Variants in PTPRD observed in about 807,000 individuals in gnomAD.
The protein encoded by PTPRD is protein tyrosine phosphatase receptor type D, also known as receptor-type tyrosine-protein phosphatase delta.
A neutral mutation model predicts 214.5 loss-of-function variants in PTPRD; 34 were observed. The observed-to-expected ratio is 0.16, with a 90% CI of 0.12 to 0.21. PTPRD has a LOEUF of 0.21. Among genes scored for constraint, PTPRD ranks in the 10% least tolerant of loss-of-function variants. The pLI is 1.00. For missense variants in PTPRD, 2,545 were observed against 2,398.7 expected (o/e 1.06, Z -1.27); for synonymous variants, 1,128 against 845.7 (o/e 1.33, Z -5.79).
At chr9:9,178,191 G>A (rs1032432322) in intron 10 of PTPRD, among the ~76,000 whole-genome samples, 1 of 152,056 alleles carries the variant, frequency 6.6e-6, no homozygotes, top group African/African-American at 2.4e-5. Context: ...GACTGTGTGT[G>A]TGTGTGTCTC....
intron 42 of PTPRD, among the ~76,000 whole-genome samples, chr9:8,339,775 G>C (rs1383948332): frequency 6.6e-6 from 1 of 151,736 alleles, no homozygotes; most frequent in Non-Finnish European, 1.5e-5. Flanking sequence ...AGGTCATAGT[G>C]GTAGAGCAGT....
intron 3 of PTPRD, among the ~76,000 whole-genome samples, chr9:10,171,400 C>G (rs1172790621): frequency 3.3e-5 from 5 of 152,108 alleles, no homozygotes; most frequent in Non-Finnish European, 5.9e-5. Flanking sequence ...CTCATTCTCT[C>G]TTGCCACGGA....
At chr9:9,980,610 AAAAAAAACAAAAAAAAAAAAAAAAC>A (rs1356454026) in intron 4 of PTPRD, among the ~76,000 whole-genome samples, 40 of 28,376 alleles carry the variant, frequency 1.4e-3, no homozygotes, top group African/African-American at 4.2e-3. Flanking sequence ...CACCTTGTCA[AAAAAAAACAAAAAAAAAAAAAAAAC>A]AAAAAAAAAA....
intron 14 of PTPRD, among the ~76,000 whole-genome samples, chr9:8,604,181 C>T (rs1168837404): frequency 6.6e-6 from 1 of 152,114 alleles, no homozygotes; most frequent in Non-Finnish European, 1.5e-5. Context: ...CAAGATCCTC[C>T]CAGGAGAGGA....
At chr9:10,611,709 G>T (rs538954593) in intron 2 of PTPRD, among the ~76,000 whole-genome samples, 1 of 152,154 alleles carries the variant, frequency 6.6e-6, no homozygotes, top group Non-Finnish European at 1.5e-5. Flanking sequence ...AACCCGCTGT[G>T]TCAAAGTCAC....
chr9:9,564,570 C>T (rs2083845396), intron 8 of PTPRD, among the ~76,000 whole-genome samples: 2 of 151,996 alleles, frequency 1.3e-5, no homozygotes, highest in South Asian at 4.1e-4. Flanking sequence ...TTGTGAGAAC[C>T]TTTGGGTTGG....
chr9:8,968,181 T>G (rs1484318896), intron 11 of PTPRD, among the ~76,000 whole-genome samples: 1 of 152,118 alleles, frequency 6.6e-6, no homozygotes, highest in African/African-American at 2.4e-5. Flanking sequence ...TGGTTCCAAG[T>G]CTTTGCTATT....
intron 3 of PTPRD, among the ~76,000 whole-genome samples, chr9:10,046,615 T>A (rs1240970807): frequency 2.6e-5 from 4 of 151,920 alleles, no homozygotes; most frequent in Admixed American, 6.6e-5. Flanking sequence ...TAAATATAGA[T>A]GTTATTTACT....
chr9:9,929,750 A>T (rs2085710385), intron 5 of PTPRD, among the ~76,000 whole-genome samples: 1 of 152,206 alleles, frequency 6.6e-6, no homozygotes, highest in Admixed American at 6.5e-5. Flanking sequence ...GGTTGATTTA[A>T]TAATGGAGGA....
chr9:8,692,798 T>C (rs1028321018), intron 12 of PTPRD, among the ~76,000 whole-genome samples: 5 of 152,184 alleles, frequency 3.3e-5, no homozygotes, highest in African/African-American at 1.2e-4. Context: ...CCCAAATTCA[T>C]AAATTTTCAA....
At chr9:9,784,305 G>C (rs1215374610) in intron 5 of PTPRD, among the ~76,000 whole-genome samples, 1 of 151,824 alleles carries the variant, frequency 6.6e-6, no homozygotes, top group Non-Finnish European at 1.5e-5. Context: ...AATTTACTAT[G>C]GAAAATTTTA....
At chr9:8,454,539 T>C in intron 33 of PTPRD, 7 of 1,610,314 alleles carry the variant, frequency 4.3e-6, no homozygotes, top group Non-Finnish European at 5.1e-6. Flanking sequence ...GTTTATTTTT[T>C]TCTTACTGAA....
intron 5 of PTPRD, among the ~76,000 whole-genome samples, chr9:9,901,416 G>T (rs1047198007): frequency 6.9e-6 from 1 of 143,954 alleles, no homozygotes; most frequent in Non-Finnish European, 1.5e-5. Flanking sequence ...CTTAAAAAAT[G>T]CATTGCAAAG....
chr9:10,347,409 C>CTTTTTTT (rs201173966), intron 2 of PTPRD, among the ~76,000 whole-genome samples: 1 of 127,932 alleles, frequency 7.8e-6, no homozygotes, highest in Non-Finnish European at 1.7e-5. Context: ...AGCTATTTGT[C>CTTTTTTT]TTTTTTTTTT....
chr9:8,860,372 G>C (rs78468177), intron 11 of PTPRD: 1 of 152,294 alleles, frequency 6.6e-6, no homozygotes, highest in African/African-American at 2.4e-5. Context: ...ACAAGTAAAT[G>C]GCATAAGCCC....
At chr9:8,928,880 G>T (rs1003130559) in intron 11 of PTPRD, among the ~76,000 whole-genome samples, 2 of 152,092 alleles carry the variant, frequency 1.3e-5, no homozygotes, top group Non-Finnish European at 2.9e-5. Flanking sequence ...GCAGTGGTTT[G>T]CAGTTCTGCC....
intron 3 of PTPRD, among the ~76,000 whole-genome samples, chr9:10,226,519 G>C (rs184858029): frequency 7.9e-5 from 12 of 152,096 alleles, no homozygotes; most frequent in Non-Finnish European, 1.3e-4. Context: ...CAGGAATGAG[G>C]CTCCAAGCAC....
At chr9:8,643,924 G>A (rs1164192073) in intron 12 of PTPRD, among the ~76,000 whole-genome samples, 2 of 152,188 alleles carry the variant, frequency 1.3e-5, no homozygotes, top group Non-Finnish European at 2.9e-5. Flanking sequence ...AGGCCAGGGA[G>A]GGCCTGAAGT....
At chr9:9,731,701 T>C (rs1442561527) in intron 7 of PTPRD, among the ~76,000 whole-genome samples, 1 of 151,998 alleles carries the variant, frequency 6.6e-6, no homozygotes, top group Non-Finnish European at 1.5e-5. Context: ...CAGCAAACTA[T>C]CACAAGGACA....
Sources: allele counts gnomAD v4.1 joint callset (sites outside exome capture counted in the v4.1 genomes callset), GRCh38; gene constraint gnomAD v4.1.1; transcripts MANE v1.5; gene names NCBI Gene and HGNC (gene_info 2026-07-23, HGNC 2026-07-21).